The following DYNC1H1 variants were observed in gnomAD, a reference collection of about 807,000 sequenced individuals.
DYNC1H1 encodes cytoplasmic dynein 1 heavy chain 1.
Under a neutral mutation model 527.1 loss-of-function variants are expected in DYNC1H1, and 51 were observed. The observed-to-expected ratio is 0.10, with a 90% CI of 0.08 to 0.12. The LOEUF (loss-of-function observed/expected upper bound fraction) is 0.12. Among genes scored for constraint, DYNC1H1 ranks in the 10% least tolerant of loss-of-function variants. DYNC1H1 has a pLI of 1.00. For synonymous variants in DYNC1H1, 2,189 were observed against 2,278.8 expected (o/e 0.96, Z 1.12); for missense variants, 2,771 against 5,971.8 (o/e 0.46, Z 17.66).
chr14:101,974,427 A>C (rs1382852244), intron 1 of DYNC1H1, among the ~76,000 whole-genome samples: 1 of 152,154 alleles, frequency 6.6e-6, no homozygotes, highest in Non-Finnish European at 1.5e-5. Context: ...ATGACTTTTA[A>C]AAGGTGAACT....
intron 15 of DYNC1H1, among the ~76,000 whole-genome samples, chr14:101,996,254 C>G (rs919734375): frequency 6.6e-6 from 1 of 150,632 alleles, no homozygotes; most frequent in Non-Finnish European, 1.5e-5. Context: ...CTCAGCCTCC[C>G]GAGTAGCTGG....
chr14:102,001,376 C>T lies in DYNC1H1; in HGVS notation c.4395+22C>T. 1 of 1,613,920 alleles carries T rather than the reference C, an allele frequency of 6.2e-7. No homozygotes were observed. Among genetic ancestry groups the T allele is most frequent in the Non-Finnish European group, 8.5e-7 (1 of 1,179,922 alleles). On this transcript the variant is annotated intron_variant, in intron 20 of 77. Transcript: ENST00000360184. The surrounding 1 kb of genome is among the most constrained non-coding windows in gnomAD (Gnocchi z 5.0). ...GCAGGCGAGTAATAGGACTGAACGG[C>T]TGCTTTACGTTGTGTTTCGGGCTGT...
Position 101,979,487 on chromosome 14 carries a change from A to G in DYNC1H1, c.513A>G (p.Ala171=). 1 of 1,614,194 alleles carries G rather than the reference A, an allele frequency of 6.2e-7. No homozygotes were observed. Among genetic ancestry groups the G allele is most frequent in the Non-Finnish European group, 8.5e-7 (1 of 1,180,044 alleles). ...CCTACATTAGAGAGTCTGGCAAGGC[A>G]GACAGGTAAAAACTGTGGTTTGAAT... is the stretch of plus-strand genomic sequence containing the variant. ...FKSYIRESGK[A]DRDGDKMAPS... is the part of the protein sequence containing the mutation. Residue 171 remains alanine (A), a synonymous_variant, in exon 3 of 78, where the codon GCA becomes GCG. Coordinates refer to ENST00000360184, the MANE Select transcript of DYNC1H1 (RefSeq NM_001376.5). This position sits in a 1 kb window ranked among gnomAD's most constrained non-coding sequence, Gnocchi z 4.6.
chr14:102,020,203 G>A lies in DYNC1H1; in HGVS notation c.8507+147G>A. The A allele has an allele frequency of 7.0e-6, 8 of 1,141,918 alleles. No individual in the cohort carries two copies. Among genetic ancestry groups the A allele is most frequent in the Non-Finnish European group, 1.0e-5 (8 of 789,158 alleles). The allele number at this position is 1,141,918 out of a possible 1,614,324, so 70.7% of individuals were successfully genotyped here. A position where few individuals can be genotyped will look rare whatever the true frequency, so the allele number is the denominator to read the frequency against. On this transcript the variant is annotated intron_variant, in intron 42 of 77. Coordinates refer to ENST00000360184, the MANE Select transcript of DYNC1H1 (RefSeq NM_001376.5). This position sits in a 1 kb window ranked among gnomAD's most constrained non-coding sequence, Gnocchi z 4.3. The stretch of plus-strand genomic sequence containing the variant: ...GGAAGGAGCAGAGTCAGCCAGGGCA[G>A]CCTCCCGTCTGGACACTGGTCACAG...
intron 74 of DYNC1H1, 47 bp downstream of exon 74, chr14:102,048,716 G>A (rs1286575280): frequency 3.1e-6 from 5 of 1,597,204 alleles, no homozygotes; most frequent in Non-Finnish European, 4.3e-6. Flanking sequence ...CGGGCACCTT[G>A]GCCAGGGGCC....
At position 102,007,091 on chromosome 14, in the gene DYNC1H1, G is replaced by A. The variant is rs1424457974; in HGVS notation, c.5800G>A (p.Glu1934Lys). The A allele has an allele frequency of 2.5e-6, 4 of 1,614,198 alleles. No individual in the cohort carries two copies. The highest frequency in any genetic ancestry group is 3.4e-6 in the Non-Finnish European group (4 of 1,180,032). Residue 1934 changes from glutamate to lysine, a missense_variant, in exon 28 of 78, where the codon GAA (glutamate) becomes AAA (lysine). By Grantham distance (56) the Glu-to-Lys change is moderately conservative (BLOSUM62 1). Coordinates refer to ENST00000360184, the MANE Select transcript of DYNC1H1 (RefSeq NM_001376.5). ...GRFVLVFNCD[E>K]TFDFQAMGRI... ...GTTTGTTTTAGTTTTCAACTGTGAT[G>A]AAACCTTTGATTTCCAGGTGAGACA...
rs950651459 is a variant in DYNC1H1, at chr14:101,965,038, A to T, written c.256+91A>T. On this transcript the variant is annotated intron_variant, in intron 1 of 77. Transcript: ENST00000360184. This position sits in a 1 kb window ranked among gnomAD's most constrained non-coding sequence, Gnocchi z 4.1. ...CTCCGGGGTCGCAGATGTCCCCGGG[A>T]TGGGAGGAGCCCGGCAGCTGCAGAT... 139 of 1,368,132 alleles carry T rather than the reference A, an allele frequency of 1.0e-4. No homozygotes were observed. In the Middle Eastern group the frequency reaches 1.3e-3, roughly 12 times the overall value. The allele number at this position is 1,368,132 out of a possible 1,614,324, so 84.7% of individuals were successfully genotyped here.
chr14:102,007,128 C>T lies in DYNC1H1; in HGVS notation c.5817+20C>T, dbSNP rs2048205441. The stretch of plus-strand genomic sequence containing the variant: ...TTCCAGGTGAGACACTTTATGGGAT[C>T]CACCTAAAATGTAATGCCCTGCAGG... On this transcript the variant is annotated intron_variant, in intron 28 of 77. Transcript: ENST00000360184. 5 of 1,610,622 alleles carry T rather than the reference C, an allele frequency of 3.1e-6. No homozygotes were observed. The highest frequency in any genetic ancestry group is 3.4e-6 in the Non-Finnish European group (4 of 1,176,832).
intron 48 of DYNC1H1, 78 bp downstream of exon 48, chr14:102,028,219 A>G (rs1392206352): frequency 5.2e-6 from 8 of 1,550,012 alleles, no homozygotes; most frequent in Non-Finnish European, 7.1e-6. Context: ...TGCTATAAAA[A>G]TAGACCTTAA....
At chr14:102,022,701 C>T (rs746250975) in intron 42 of DYNC1H1, 50 bp from the exon 43 acceptor site, 2 of 1,613,186 alleles carry the variant, frequency 1.2e-6, no homozygotes, top group Non-Finnish European at 1.7e-6. Flanking sequence ...CATGGTGCTT[C>T]TTCACCGTGC....
At chr14:102,037,889 T>C (rs767069499) in intron 57 of DYNC1H1, 2 of 168,568 alleles carry the variant, frequency 1.2e-5, no homozygotes, top group Non-Finnish European at 2.6e-5. Flanking sequence ...GTGTCAGCAC[T>C]GTCCCCAGAA....
rs757813281 is a variant in DYNC1H1 at position 102,049,929 on chromosome 14, G to C, written c.13684+47G>C. ...ATACTGGCTCTTTGCAGGTGACCTC[G>C]GTGGCCTGAGACCATTGTTCCCAGA... is the stretch of plus-strand genomic sequence containing the variant. On this transcript the variant is annotated intron_variant, in intron 76 of 77. Coordinates refer to ENST00000360184, the MANE Select transcript of DYNC1H1 (RefSeq NM_001376.5). This position sits in a 1 kb window ranked among gnomAD's most constrained non-coding sequence, Gnocchi z 5.5. 4 of 1,613,464 alleles carry C rather than the reference G, an allele frequency of 2.5e-6. No individual in the cohort carries two copies. The African/African-American group carries it at 5.3e-5, about 22-fold the overall frequency.
At chr14:102,030,304 T>TTTG in intron 51 of DYNC1H1, 22 bp downstream of exon 51, 1 of 1,614,080 alleles carries the variant, frequency 6.2e-7, no homozygotes, top group South Asian at 1.1e-5. Context: ...CTGTCAGAGC[T>TTTG]TTGATGTCTA....
rs2720199 is a variant in DYNC1H1 at position 101,975,970 on chromosome 14, C to T, written c.344+171C>T. Reference sequence around the variant, plus strand: ...TTGCCCAGGCTGGAGTACAATGGCGCGATCTCGGCTCACTGCACCCTCTGC... The same window carrying T: ...TTGCCCAGGCTGGAGTACAATGGCGTGATCTCGGCTCACTGCACCCTCTGC... On this transcript the variant is annotated intron_variant, in intron 2 of 77. Transcript: ENST00000360184. Among the ~76,000 whole-genome samples, 4,414 of 150,762 alleles carry T rather than the reference C, an allele frequency of 0.029. 146 individuals carry two copies. The highest frequency in any genetic ancestry group is 0.085 in the African/African-American group (3,489 of 40,998).
At position 102,027,651 on chromosome 14, in the gene DYNC1H1, C is replaced by G; in HGVS notation, c.9081C>G (p.Ala3027=). ...GTCTCTTTGAAGGAGACGAGTATGC[C>G]ACCTTGATGACGCAGTGCAAAGAGG... ...VPGLFEGDEY[A]TLMTQCKEGA... Residue 3027 remains alanine (A), a synonymous_variant, in exon 47 of 78, where the codon GCC becomes GCG. Transcript: ENST00000360184. This position sits in a 1 kb window ranked among gnomAD's most constrained non-coding sequence, Gnocchi z 7.7. 2 of 1,614,040 alleles carry G rather than the reference C, an allele frequency of 1.2e-6. No homozygotes were observed. The highest frequency in any genetic ancestry group is 1.7e-6 in the Non-Finnish European group (2 of 1,180,030).
At chr14:101,998,879 C>CTTTTTTTTTTGTTTTTTTTTTTTTTTT (rs1470140199) in intron 16 of DYNC1H1, among the ~76,000 whole-genome samples, 2 of 115,220 alleles carry the variant, frequency 1.7e-5, no homozygotes, top group African/African-American at 7.5e-5. Context: ...AAAACTTTTT[C>CTTTTTTTTTTGTTTTTTTTTTTTTTTT]TTTTTTTTTT....
intron 29 of DYNC1H1, among the ~76,000 whole-genome samples, chr14:102,008,667 A>G (rs2048224845): frequency 6.6e-6 from 1 of 152,202 alleles, no homozygotes; most frequent in South Asian, 2.1e-4. Context: ...CACGCCTATA[A>G]TCCCAGCTAT....
At chr14:102,047,648 T>TAC in intron 72 of DYNC1H1, 169 bp from the exon 73 acceptor site, 1 of 482,908 alleles carries the variant, frequency 2.1e-6, no homozygotes. Context: ...TGTGTATATA[T>TAC]ATATATATAT....
In DYNC1H1 at chr14:101,999,993, A is replaced by G. The variant is rs1246328675; in HGVS notation, c.3809A>G (p.Asn1270Ser). 2 of 1,614,228 alleles carry G rather than the reference A, an allele frequency of 1.2e-6. No homozygotes were observed. Among genetic ancestry groups the G allele is most frequent in the East Asian group, 2.2e-5 (1 of 44,892 alleles). The part of the protein sequence containing the change: ...DWEKTKPVTG[N>S]LRPEEALQAL... ...CTGTGCTCTGACTGCTTTCAGGGCA[A>G]CCTTCGCCCAGAAGAGGCACTTCAG... The change falls in exon 17 of 78, where the codon AAC becomes AGC. Residue 1270 changes from asparagine (N) to serine (S), a missense_variant. Physicochemically the swap from Asn to Ser is conservative, Grantham distance 46. Coordinates refer to ENST00000360184, the MANE Select transcript of DYNC1H1 (RefSeq NM_001376.5).
Sources: allele counts gnomAD v4.1 joint callset (sites outside exome capture counted in the v4.1 genomes callset), GRCh38; gene constraint gnomAD v4.1.1; non-coding constraint Gnocchi (gnomAD v3.1); transcripts MANE v1.5; gene names NCBI Gene and HGNC (gene_info 2026-07-23, HGNC 2026-07-21).